EIF4G3: variants seen among roughly 807,000 people sequenced by gnomAD.
EIF4G3 encodes eukaryotic translation initiation factor 4 gamma 3.
A neutral mutation model predicts 186.4 loss-of-function variants in EIF4G3; 34 were observed. The observed-to-expected ratio is 0.18, with a 90% CI of 0.14 to 0.24. The LOEUF (loss-of-function observed/expected upper bound fraction) is 0.24, where lower values mean the gene tolerates loss of function less well. Ranked by LOEUF, EIF4G3 falls within the 10% of genes least tolerant of loss-of-function variation. The pLI is 1.00. For synonymous variants in EIF4G3, 673 were observed against 679.5 expected (o/e 0.99, Z 0.15); for missense variants, 1,536 against 1,948.5 (o/e 0.79, Z 3.99).
chr1:20,811,525 A>C (rs943976273), intron 35 of EIF4G3, among the ~76,000 whole-genome samples: 4 of 152,222 alleles, frequency 2.6e-5, no homozygotes, highest in African/African-American at 9.6e-5. Context: ...ATTATTAATG[A>C]GACATTCTCT....
At chr1:20,857,156 C>A (rs769829516) in intron 25 of EIF4G3, among the ~76,000 whole-genome samples, 89 of 6,180 alleles carry the variant, frequency 0.014, 2 homozygotes, top group Non-Finnish European at 0.043. Context: ...GAGTGAGACT[C>A]CATCTCAAAA....
intron 14 of EIF4G3, among the ~76,000 whole-genome samples, chr1:20,905,978 T>C (rs1245574083): frequency 6.6e-6 from 1 of 152,148 alleles, no homozygotes; most frequent in Non-Finnish European, 1.5e-5. Context: ...GCACACACAC[T>C]TTTTGGTGGA....
At chr1:21,058,140 T>C (rs2094654614) in intron 3 of EIF4G3, among the ~76,000 whole-genome samples, 1 of 152,294 alleles carries the variant, frequency 6.6e-6, no homozygotes, top group South Asian at 2.1e-4. Flanking sequence ...AAAGTTTCCT[T>C]AACATGATCA....
chr1:21,046,343 A>T (rs1004177661), intron 4 of EIF4G3, among the ~76,000 whole-genome samples: 4 of 152,368 alleles, frequency 2.6e-5, no homozygotes, highest in African/African-American at 9.6e-5. Context: ...CATGTAAAAA[A>T]GGGAAATGCA....
intron 4 of EIF4G3, among the ~76,000 whole-genome samples, chr1:21,045,766 A>T (rs1264003624): frequency 6.6e-6 from 1 of 152,090 alleles, no homozygotes; most frequent in Non-Finnish European, 1.5e-5. Flanking sequence ...TTATCTTGAG[A>T]AGTAATTTTA....
intron 3 of EIF4G3, among the ~76,000 whole-genome samples, chr1:21,052,603 T>C (rs2094292894): frequency 6.6e-6 from 1 of 151,860 alleles, no homozygotes; most frequent in Non-Finnish European, 1.5e-5. Flanking sequence ...CCTCTCCCTC[T>C]CTTTCCACGG....
chr1:21,028,195 G>T (rs2092373896), intron 4 of EIF4G3, among the ~76,000 whole-genome samples: 1 of 152,208 alleles, frequency 6.6e-6, no homozygotes, highest in Non-Finnish European at 1.5e-5. Context: ...TGAAAGAAAA[G>T]AGTTATAAAG....
At chr1:20,842,358 C>G (rs1010027178) in intron 29 of EIF4G3, among the ~76,000 whole-genome samples, 45 of 152,238 alleles carry the variant, frequency 3.0e-4, no homozygotes, top group Admixed American at 2.3e-3. Flanking sequence ...AGACAATTAT[C>G]ATGTAAAATG....
intron 11 of EIF4G3, 52 bp downstream of exon 11, chr1:20,972,950 A>G: frequency 2.8e-6 from 4 of 1,426,254 alleles, no homozygotes; most frequent in Non-Finnish European, 3.8e-6. Flanking sequence ...CTTATCTGAT[A>G]AGTGAATAGA....
chr1:21,036,526 T>C (rs187329960), intron 4 of EIF4G3, among the ~76,000 whole-genome samples: 1 of 152,288 alleles, frequency 6.6e-6, no homozygotes, highest in East Asian at 1.9e-4. Flanking sequence ...ATATTTAAAA[T>C]CAGTTACACA....
In EIF4G3 at chr1:21,079,135, T is replaced by C. The variant is rs186665832; in HGVS notation, c.-196+10003A>G. On this transcript the variant is annotated intron_variant, in intron 3 of 36. Coordinates refer to ENST00000602326, the MANE Select transcript of EIF4G3 (RefSeq NM_001391906.1). ...TATATTTGCCATCTGTGCTAGATGA[T>C]AGGACAATCAAACAGATTTACATCT... Among the ~76,000 whole-genome samples the C allele has an allele frequency of 1.6e-3, 247 of 152,310 alleles. 3 individuals carry two copies. The highest frequency in any genetic ancestry group is 5.6e-3 in the African/African-American group (234 of 41,566).
At chr1:21,054,150 C>T (rs1420410234) in intron 3 of EIF4G3, among the ~76,000 whole-genome samples, 1 of 151,812 alleles carries the variant, frequency 6.6e-6, no homozygotes, top group Non-Finnish European at 1.5e-5. Context: ...CCTTGGGATC[C>T]TGTTGATCTG....
chr1:20,913,493 G>A (rs1000992154), intron 14 of EIF4G3, among the ~76,000 whole-genome samples: 2 of 152,054 alleles, frequency 1.3e-5, no homozygotes, highest in Non-Finnish European at 2.9e-5. Context: ...TCGTATTACT[G>A]TACCCCACCC....
intron 2 of EIF4G3, among the ~76,000 whole-genome samples, chr1:21,165,847 CAAT>C (rs2097846589): frequency 6.6e-6 from 1 of 152,012 alleles, no homozygotes; most frequent in South Asian, 2.1e-4. Flanking sequence ...GATTACATCT[CAAT>C]AAAGCTGTTT....
chr1:20,973,167 C>T (rs926154777), intron 10 of EIF4G3, 68 bp from the exon 11 acceptor site: 14 of 1,145,896 alleles, frequency 1.2e-5, no homozygotes, highest in Non-Finnish European at 1.7e-5. Context: ...CTAGCAATGA[C>T]ACTGTGTCTC....
intron 2 of EIF4G3, among the ~76,000 whole-genome samples, chr1:21,147,283 T>G (rs1282281115): frequency 1.3e-5 from 2 of 152,022 alleles, no homozygotes; most frequent in Non-Finnish European, 2.9e-5. Flanking sequence ...AATAAATCTA[T>G]ATAATTTGTA....
At chr1:20,980,295 C>CA (rs752567466) in intron 10 of EIF4G3, 39 bp downstream of exon 10, 17 of 1,435,364 alleles carry the variant, frequency 1.2e-5, no homozygotes, top group Non-Finnish European at 1.9e-6. Flanking sequence ...TAAATAAACA[C>CA]AAAAAACTAG....
At chr1:21,167,279 T>A (rs2097871364) in intron 2 of EIF4G3, among the ~76,000 whole-genome samples, 1 of 152,118 alleles carries the variant, frequency 6.6e-6, no homozygotes, top group Non-Finnish European at 1.5e-5. Context: ...TTATGTTTGT[T>A]CCCACACTTC....
At chr1:21,149,496 T>C (rs1310136575) in intron 2 of EIF4G3, among the ~76,000 whole-genome samples, 1 of 152,170 alleles carries the variant, frequency 6.6e-6, no homozygotes, top group Non-Finnish European at 1.5e-5. Flanking sequence ...ATATACGGTA[T>C]TTTACTGGTT....
Sources: allele counts gnomAD v4.1 joint callset (sites outside exome capture counted in the v4.1 genomes callset), GRCh38; gene constraint gnomAD v4.1.1; transcripts MANE v1.5; gene names NCBI Gene and HGNC (gene_info 2026-07-23, HGNC 2026-07-21).